The following GRIP1 variants were observed in gnomAD, a reference collection of about 807,000 sequenced individuals.
GRIP1 encodes the protein glutamate receptor interacting protein 1.
Under a neutral mutation model 129.9 loss-of-function variants are expected in GRIP1, and 45 were observed. The ratio of observed to expected loss-of-function variants is 0.35; its 90% CI spans 0.27 to 0.44. GRIP1 has a LOEUF of 0.44. Ranked by LOEUF, GRIP1 falls within the 20% of genes least tolerant of loss-of-function variation. The pLI is 1.00. For synonymous variants in GRIP1, 530 were observed against 520.8 expected (o/e 1.02, Z -0.24); for missense variants, 1,196 against 1,396.8 (o/e 0.86, Z 2.29).
chr12:66,749,926 A>G (rs1227654007), intron 1 of GRIP1, among the ~76,000 whole-genome samples: 3 of 152,142 alleles, frequency 2.0e-5, no homozygotes, highest in African/African-American at 7.2e-5. Context: ...TGCCTAATAC[A>G]AAAGCAGATT....
At chr12:66,429,236 C>G (rs964667118) in intron 14 of GRIP1, among the ~76,000 whole-genome samples, 2 of 152,228 alleles carry the variant, frequency 1.3e-5, no homozygotes, top group East Asian at 3.9e-4. Flanking sequence ...ATACTTAGAG[C>G]TTGCACAAGG....
At chr12:66,951,438 GAACATGTGGCTGT>G (rs1165991734) in intron 1 of GRIP1, among the ~76,000 whole-genome samples, 1 of 152,158 alleles carries the variant, frequency 6.6e-6, no homozygotes, top group Non-Finnish European at 1.5e-5. Flanking sequence ...CAGAAAGAAT[GAACATGTGGCTGT>G]AACAGAGACC....
intron 7 of GRIP1, among the ~76,000 whole-genome samples, chr12:66,484,324 G>C (rs1340391799): frequency 1.3e-5 from 2 of 152,116 alleles, no homozygotes; most frequent in South Asian, 2.1e-4. Flanking sequence ...TATTTCATGA[G>C]GTGACCCATG....
At chr12:66,527,742 G>T (rs1454159697) in intron 5 of GRIP1, among the ~76,000 whole-genome samples, 2 of 152,078 alleles carry the variant, frequency 1.3e-5, no homozygotes, top group African/African-American at 4.8e-5. Context: ...ACTTATAAGT[G>T]GGTGCTAAGC....
chr12:66,752,949 A>T (rs2037172630), intron 1 of GRIP1, among the ~76,000 whole-genome samples: 1 of 152,202 alleles, frequency 6.6e-6, no homozygotes, highest in Non-Finnish European at 1.5e-5. Context: ...AAAATAAGAC[A>T]ACAATGGAGA....
chr12:66,407,854 A>G (rs1418475782), intron 15 of GRIP1, among the ~76,000 whole-genome samples: 2 of 152,084 alleles, frequency 1.3e-5, no homozygotes, highest in East Asian at 3.9e-4. Context: ...CCTAGTGAGA[A>G]ACCAGCTGGG....
intron 1 of GRIP1, among the ~76,000 whole-genome samples, chr12:66,600,277 A>G (rs2064221602): frequency 6.6e-6 from 1 of 152,212 alleles, no homozygotes. Flanking sequence ...CTGAATTATA[A>G]GATCTATGTT....
intron 1 of GRIP1, among the ~76,000 whole-genome samples, chr12:66,686,598 CT>C (rs1417988266): frequency 2.6e-5 from 4 of 152,308 alleles, no homozygotes; most frequent in Middle Eastern, 6.8e-3. Context: ...TGATGACTTT[CT>C]TTTTGTGGCA....
intron 1 of GRIP1, among the ~76,000 whole-genome samples, chr12:66,944,087 A>G (rs1425132926): frequency 6.6e-6 from 1 of 152,222 alleles, no homozygotes; most frequent in Non-Finnish European, 1.5e-5. Flanking sequence ...ATAAAACTTC[A>G]GTGGGTACAG....
intron 1 of GRIP1, among the ~76,000 whole-genome samples, chr12:67,037,058 G>A (rs950335602): frequency 3.3e-5 from 5 of 152,056 alleles, no homozygotes; most frequent in Admixed American, 6.6e-5. Context: ...CAGGCCAGGC[G>A]CAGTGGCTCA....
At chr12:66,766,842 T>C (rs2037655948) in intron 1 of GRIP1, among the ~76,000 whole-genome samples, 1 of 152,200 alleles carries the variant, frequency 6.6e-6, no homozygotes, top group African/African-American at 2.4e-5. Context: ...CACAAACATA[T>C]TCCCAGCAAG....
chr12:66,549,125 T>C (rs1258290402), intron 2 of GRIP1, among the ~76,000 whole-genome samples: 1 of 152,142 alleles, frequency 6.6e-6, no homozygotes, highest in Non-Finnish European at 1.5e-5. Flanking sequence ...TCAACAAGAG[T>C]GTTTTTTCCC....
At chr12:66,379,210 A>C (rs2055975649) in intron 20 of GRIP1, 70 bp downstream of exon 20, 2 of 1,432,756 alleles carry the variant, frequency 1.4e-6, no homozygotes, top group African/African-American at 2.8e-5. Flanking sequence ...CTGGAAGTAC[A>C]GAAGTTCAAA....
rs1259827911 is a variant in GRIP1, at chr12:66,366,520, CAA to C, written c.3012+5172_3012+5173del. On this transcript the variant is annotated intron_variant, in intron 23 of 24. Transcript: ENST00000359742. Reference sequence around the variant, plus strand: ...GTTACTTGTGAGTGACTGAAATGTCCAAGTGTCATGCCACCAGCAGCCACAAA... The same window carrying C: ...GTTACTTGTGAGTGACTGAAATGTCCGTGTCATGCCACCAGCAGCCACAAA... Among the ~76,000 whole-genome samples the C allele has an allele frequency of 9.2e-5, 14 of 152,178 alleles. No homozygotes were observed. The East Asian group carries it at 2.5e-3, about 27-fold the overall frequency.
intron 1 of GRIP1, among the ~76,000 whole-genome samples, chr12:66,760,126 T>C (rs1399770672): frequency 6.6e-6 from 1 of 152,146 alleles, no homozygotes; most frequent in East Asian, 1.9e-4. Flanking sequence ...AGTGCTGGGA[T>C]TACAGGTGTG....
chr12:66,712,989 A>C (rs1310489742), intron 1 of GRIP1, among the ~76,000 whole-genome samples: 1 of 152,050 alleles, frequency 6.6e-6, no homozygotes, highest in African/African-American at 2.4e-5. Flanking sequence ...TGTCTAAAGC[A>C]TGATGAGTGA....
chr12:66,598,865 T>C (rs1406852713), intron 1 of GRIP1, among the ~76,000 whole-genome samples: 1 of 152,168 alleles, frequency 6.6e-6, no homozygotes, highest in East Asian at 1.9e-4. Context: ...AATTAAAGTC[T>C]TGAATTGAAT....
intron 1 of GRIP1, among the ~76,000 whole-genome samples, chr12:66,957,204 G>A (rs1430321189): frequency 6.6e-6 from 1 of 152,050 alleles, no homozygotes; most frequent in Admixed American, 6.5e-5. Flanking sequence ...TACATATGGG[G>A]AGAAGATACA....
At chr12:66,906,286 T>C (rs141814422) in intron 1 of GRIP1, among the ~76,000 whole-genome samples, 1 of 151,244 alleles carries the variant, frequency 6.6e-6, no homozygotes, top group African/African-American at 2.4e-5. Flanking sequence ...AACAAAAAAA[T>C]TAGCTGGGCA....
Sources: gnomAD v4.1 joint callset for allele counts (sites outside exome capture counted in the v4.1 genomes callset) on GRCh38, gnomAD v4.1.1 for gene constraint, MANE v1.5 for transcripts, NCBI Gene and HGNC (gene_info 2026-07-23, HGNC 2026-07-21) for gene names.